MFHAS1: variants seen among roughly 807,000 people sequenced by gnomAD.
The protein encoded by MFHAS1 is multifunctional ROCO family signaling regulator 1.
MFHAS1 carries 50 observed loss-of-function variants against 70.4 expected under a neutral mutation model. The ratio of observed to expected loss-of-function variants is 0.71; its 90% CI spans 0.57 to 0.90. The LOEUF (loss-of-function observed/expected upper bound fraction) is 0.90, where lower values mean the gene tolerates loss of function less well. Among genes scored for constraint, MFHAS1 ranks in the 40% least tolerant of loss-of-function variants. The pLI is 0.00. For missense variants in MFHAS1, 1,795 were observed against 1,347.6 expected, an observed-to-expected ratio of 1.33 and a Z score of -5.20; for synonymous variants, 952 against 620.0, an observed-to-expected ratio of 1.54 and a Z score of -7.96.
At chr8:8,866,024 G>C (rs1808842619) in intron 1 of MFHAS1, among the ~76,000 whole-genome samples, 1 of 152,242 alleles carries the variant, frequency 6.6e-6, no homozygotes, top group Admixed American at 6.5e-5. Context: ...GGTGATGACA[G>C]AGAAGCTGAA....
At chr8:8,816,814 A>C (rs1443238507) in intron 1 of MFHAS1, among the ~76,000 whole-genome samples, 1 of 152,208 alleles carries the variant, frequency 6.6e-6, no homozygotes. Context: ...AAACACACCT[A>C]CTGACTGAAG....
chr8:8,868,635 C>A (rs1045774456), intron 1 of MFHAS1, among the ~76,000 whole-genome samples: 16 of 152,062 alleles, frequency 1.1e-4, no homozygotes, highest in African/African-American at 3.9e-4. Flanking sequence ...GCTCACAAAC[C>A]CACAATGAAA....
rs1453684383 is a variant in MFHAS1 at position 8,784,681 on chromosome 8, G to C, written c.*1341C>G. ...CGAGTACCAGCAACTCACTCTTCTT[G>C]TCTGAGGCTGGCGAGAAGCAGTCAG... On this transcript the variant is annotated 3_prime_UTR_variant, in exon 3 of 3. Coordinates refer to ENST00000276282, the MANE Select transcript of MFHAS1 (RefSeq NM_004225.3). 1 of 152,170 alleles carries C rather than the reference G, an allele frequency of 6.6e-6. No individual in the cohort carries two copies. The highest frequency in any genetic ancestry group is 1.9e-4 in the East Asian group (1 of 5,194). 9.4% of individuals were successfully genotyped at this position (152,170 alleles called of 1,614,324 possible). A position where few individuals can be genotyped will look rare whatever the true frequency, so the allele number is the denominator to read the frequency against.
At position 8,892,545 on chromosome 8, in the gene MFHAS1, G is replaced by A; in HGVS notation, c.514C>T (p.His172Tyr). 2 of 1,597,186 alleles carry A rather than the reference G, an allele frequency of 1.3e-6. No homozygotes were observed. Among genetic ancestry groups the A allele is most frequent in the Non-Finnish European group, 1.7e-6 (2 of 1,172,520 alleles). ...ELDVSFNRLA[H>Y]LPDSLSCLSR... ...AGGCAGGAGAGGGAGTCAGGCAGGT[G>A]CGCCAGCCGGTTAAAGCTGACATCC... The change falls in exon 1 of 3, where the codon CAC (histidine) becomes TAC (tyrosine). Residue 172 changes from histidine to tyrosine, a missense_variant. Physicochemically the swap from His to Tyr is moderately conservative, Grantham distance 83. Transcript: ENST00000276282. This position sits in a 1 kb window ranked among gnomAD's most constrained non-coding sequence, Gnocchi z 4.7.
chr8:8,883,579 A>G (rs1332005628), intron 1 of MFHAS1, among the ~76,000 whole-genome samples: 1 of 151,710 alleles, frequency 6.6e-6, no homozygotes. Context: ...GTGGTGGTGC[A>G]TGCCTGTAAT....
intron 1 of MFHAS1, among the ~76,000 whole-genome samples, chr8:8,846,377 G>C (rs1230931693): frequency 6.7e-6 from 1 of 150,274 alleles, no homozygotes; most frequent in African/African-American, 2.5e-5. Flanking sequence ...AGGAGAAGGA[G>C]AAGAAAATGA....
intron 1 of MFHAS1, among the ~76,000 whole-genome samples, chr8:8,868,637 A>G (rs1281626568): frequency 6.6e-6 from 1 of 152,138 alleles, no homozygotes; most frequent in Non-Finnish European, 1.5e-5. Context: ...TCACAAACCC[A>G]CAATGAAATA....
At chr8:8,801,482 T>TC (rs550962629) in intron 1 of MFHAS1, among the ~76,000 whole-genome samples, 3 of 152,196 alleles carry the variant, frequency 2.0e-5, no homozygotes, top group Non-Finnish European at 4.4e-5. Context: ...GTTTGTATAC[T>TC]CCAACAACCT....
chr8:8,875,593 A>G (rs1001304203), intron 1 of MFHAS1, among the ~76,000 whole-genome samples: 2 of 151,950 alleles, frequency 1.3e-5, no homozygotes, highest in African/African-American at 4.8e-5. Context: ...CTACTCTCCA[A>G]ATTTTTTATG....
rs751282329 is a variant in MFHAS1, at chr8:8,890,293, T to C, written c.2766A>G (p.Lys922=). 20 of 1,614,206 alleles carry C rather than the reference T, an allele frequency of 1.2e-5. No homozygotes were observed. In the East Asian group the frequency reaches 3.6e-4, roughly 29 times the overall value. Residue 922 remains lysine, a synonymous_variant, in exon 1 of 3, where the codon AAA becomes AAG. Transcript: ENST00000276282. ...GKFQIFAYRG[K]VPVVVSYRPA... Reference sequence around the variant, plus strand: ...GTCTGTAACTCACAACCACAGGAACTTTCCCTCTATAGGCAAAGATCTGAA... The same window carrying C: ...GTCTGTAACTCACAACCACAGGAACCTTCCCTCTATAGGCAAAGATCTGAA...
chr8:8,891,239 T>C lies in MFHAS1; in HGVS notation c.1820A>G (p.Lys607Arg). The C allele has an allele frequency of 6.2e-7, 1 of 1,612,238 alleles. No individual in the cohort carries two copies. Among genetic ancestry groups the C allele is most frequent in the South Asian group, 1.1e-5 (1 of 91,084 alleles). Residue 607 changes from lysine (K) to arginine (R), a missense_variant, in exon 1 of 3, where the codon AAG (lysine) becomes AGG (arginine). Lys to Arg is a conservative substitution (Grantham distance 26). Transcript: ENST00000276282. The surrounding 1 kb of genome is among the most constrained non-coding windows in gnomAD (Gnocchi z 5.4). ...GTTGAGCAGGTATTGAAAATGGGCC[T>C]TGCGCCGTCGAAGGTTCTTGTCCGA... ...GVSDKNLRRRKAHFQYLLNHR... is the reference protein window; with the variant it reads ...GVSDKNLRRRRAHFQYLLNHR...
At chr8:8,861,588 C>T (rs905065028) in intron 1 of MFHAS1, among the ~76,000 whole-genome samples, 3 of 152,132 alleles carry the variant, frequency 2.0e-5, no homozygotes, top group Non-Finnish European at 4.4e-5. Context: ...ATAATAAAGG[C>T]ATTTTACGTG....
chr8:8,878,974 T>G (rs796328125), intron 1 of MFHAS1, among the ~76,000 whole-genome samples: 8 of 152,352 alleles, frequency 5.3e-5, no homozygotes, highest in African/African-American at 1.4e-4. Flanking sequence ...GAGTCAGCAT[T>G]CATATAGTCT....
chr8:8,861,432 C>T (rs1402465411), intron 1 of MFHAS1, among the ~76,000 whole-genome samples: 4 of 152,126 alleles, frequency 2.6e-5, no homozygotes, highest in African/African-American at 9.7e-5. Flanking sequence ...CTGGATATAT[C>T]TCCAACAACA....
intron 2 of MFHAS1, chr8:8,790,465 A>G (rs983175502): frequency 1.4e-5 from 10 of 733,814 alleles, no homozygotes; most frequent in Middle Eastern, 6.9e-4. Flanking sequence ...TCCAGTATCA[A>G]TGTGGCTGAC....
rs1269688350 is a variant in MFHAS1 at position 8,891,913 on chromosome 8, G to A, written c.1146C>T (p.Tyr382=). 2.5e-6 allele frequency: 4 copies of A among 1,610,702 alleles called. No individual in the cohort carries two copies. In the East Asian group the frequency reaches 6.7e-5, roughly 27 times the overall value. Residue 382 remains tyrosine (Y), a synonymous_variant, in exon 1 of 3, where the codon TAC becomes TAT. Coordinates refer to ENST00000276282, the MANE Select transcript of MFHAS1 (RefSeq NM_004225.3). This position sits in a 1 kb window ranked among gnomAD's most constrained non-coding sequence, Gnocchi z 5.4. Reference sequence around the variant, plus strand: ...AGGGGATCCCCTTCATGCAGACCTCGTAGGGGGGCTGGATCAGTGGGTTGT... The same window carrying A: ...AGGGGATCCCCTTCATGCAGACCTCATAGGGGGGCTGGATCAGTGGGTTGT... ...IKDNPLIQPP[Y]EVCMKGIPYI...
chr8:8,806,688 C>T (rs1236243859), intron 1 of MFHAS1, among the ~76,000 whole-genome samples: 2 of 152,144 alleles, frequency 1.3e-5, no homozygotes, highest in African/African-American at 2.4e-5. Flanking sequence ...GGGCCGGGTC[C>T]GGTGACCCAG....
At chr8:8,801,040 C>G (rs554961081) in intron 1 of MFHAS1, among the ~76,000 whole-genome samples, 1 of 152,038 alleles carries the variant, frequency 6.6e-6, no homozygotes, top group African/African-American at 2.4e-5. Context: ...ATGGTAAAAC[C>G]CCGCCTCTAC....
At chr8:8,800,298 GTGGATA>G (rs1212863816) in intron 1 of MFHAS1, among the ~76,000 whole-genome samples, 1 of 152,218 alleles carries the variant, frequency 6.6e-6, no homozygotes, top group Non-Finnish European at 1.5e-5. Flanking sequence ...GCATGGCTAT[GTGGATA>G]TCAAAAATGC....
Sources: gnomAD v4.1 joint callset for allele counts (sites outside exome capture counted in the v4.1 genomes callset) on GRCh38, gnomAD v4.1.1 for gene constraint, Gnocchi (gnomAD v3.1) non-coding constraint, MANE v1.5 for transcripts, NCBI Gene and HGNC (gene_info 2026-07-23, HGNC 2026-07-21) for gene names.